The following ACSS2 variants were observed in gnomAD, a reference collection of about 807,000 sequenced individuals.
ACSS2 encodes acyl-CoA synthetase short chain family member 2, also known as acetyl-coenzyme A synthetase, cytoplasmic.
A neutral mutation model predicts 90.6 loss-of-function variants in ACSS2; 58 were observed. The observed-to-expected ratio is 0.64, with a 90% CI of 0.52 to 0.80. ACSS2 has a LOEUF of 0.80. Ranked by LOEUF, ACSS2 falls within the 30% of genes least tolerant of loss-of-function variation. The probability of loss-of-function intolerance (pLI) is 0.00; values close to 1 mark genes in which losing one functional copy is unlikely to be tolerated. For missense variants in ACSS2, 759 were observed against 912.0 expected, an observed-to-expected ratio of 0.83 and a Z score of 2.16; for synonymous variants, 300 against 330.9, an observed-to-expected ratio of 0.91 and a Z score of 1.01.
At chr20:34,892,684 G>T (rs1387248844) in intron 2 of ACSS2, among the ~76,000 whole-genome samples, 2 of 152,196 alleles carry the variant, frequency 1.3e-5, no homozygotes, top group Non-Finnish European at 2.9e-5. Context: ...TTGGCAAAAA[G>T]TGTATTAGCT....
intron 7 of ACSS2, among the ~76,000 whole-genome samples, chr20:34,918,135 C>G (rs1237830980): frequency 2.0e-5 from 3 of 152,194 alleles, no homozygotes. Flanking sequence ...TTCCTCATCT[C>G]ACCCCAACCT....
intron 1 of ACSS2, among the ~76,000 whole-genome samples, chr20:34,878,968 G>A (rs557644744): frequency 1.2e-4 from 18 of 144,538 alleles, no homozygotes; most frequent in Non-Finnish European, 2.3e-4. Context: ...GCAGTGGCGC[G>A]ATCTCGGCTC....
In ACSS2 at chr20:34,920,659, C is replaced by T; in HGVS notation, c.1093C>T (p.His365Tyr). ...GGCAGACATTGGTTGGATCACTGGT[C>T]ATTCCTACGTCACCTATGGGCCACT... ...CTADIGWITG[H>Y]SYVTYGPLAN... The change falls in exon 9 of 18, where the codon CAT becomes TAT. Residue 365 changes from histidine to tyrosine, a missense_variant. By Grantham distance (83) the His-to-Tyr change is moderately conservative. Transcript: ENST00000360596. 3 of 1,614,124 alleles carry T rather than the reference C, an allele frequency of 1.9e-6. No individual in the cohort carries two copies. Among genetic ancestry groups the T allele is most frequent in the Non-Finnish European group, 2.5e-6 (3 of 1,179,996 alleles).
At chr20:34,895,893 A>G (rs1014405014) in intron 2 of ACSS2, among the ~76,000 whole-genome samples, 1 of 152,230 alleles carries the variant, frequency 6.6e-6, no homozygotes, top group Non-Finnish European at 1.5e-5. Context: ...TTTGACCTAG[A>G]TAATAGAGAA....
At chr20:34,922,923 ACT>A (rs1386325474) in intron 13 of ACSS2, 1 of 165,714 alleles carries the variant, frequency 6.0e-6, no homozygotes, top group African/African-American at 2.4e-5. Context: ...TGTGGGCACC[ACT>A]GTTTTTTAAA....
chr20:34,888,075 A>AAG (rs2080243451), intron 2 of ACSS2, among the ~76,000 whole-genome samples: 1 of 151,090 alleles, frequency 6.6e-6, no homozygotes, highest in South Asian at 2.1e-4. Context: ...ATCAAAAAAA[A>AAG]AAAAAAAAAA....
chr20:34,899,490 C>A (rs1202287613), intron 2 of ACSS2, among the ~76,000 whole-genome samples: 1 of 110,312 alleles, frequency 9.1e-6, no homozygotes, highest in African/African-American at 3.3e-5. Context: ...TCTTTTCTTT[C>A]TTTTTTGTTT....
chr20:34,924,301 C>A (rs146903197), intron 14 of ACSS2, among the ~76,000 whole-genome samples: 1 of 152,272 alleles, frequency 6.6e-6, no homozygotes, highest in Non-Finnish European at 1.5e-5. Flanking sequence ...GGGAGACAGA[C>A]AAACCCAACA....
Position 34,921,674 on chromosome 20 carries a change from G to C in ACSS2, c.1467+74G>C, listed in dbSNP as rs1286084006. 5 of 1,611,200 alleles carry C rather than the reference G, an allele frequency of 3.1e-6. No homozygotes were observed. In the African/African-American group the frequency reaches 6.7e-5, roughly 22 times the overall value. ...TTGGGGCACTTGGCCTAGTTAGATA[G>C]TGGAGAACTGGACTGACATGTGTGA... is the stretch of plus-strand genomic sequence containing the variant. On this transcript the variant is annotated intron_variant, in intron 12 of 17. Transcript: ENST00000360596.
chr20:34,925,852 T>G (rs1371523674), intron 15 of ACSS2, 86 bp downstream of exon 15: 1 of 1,477,348 alleles, frequency 6.8e-7, no homozygotes, highest in East Asian at 2.4e-5. Flanking sequence ...AGCCCAGGAG[T>G]GTCCTTTGGC....
intron 2 of ACSS2, among the ~76,000 whole-genome samples, chr20:34,896,485 A>G (rs56034553): frequency 0.081 from 12,333 of 152,048 alleles, 1,717 homozygotes; most frequent in African/African-American, 0.28. Flanking sequence ...CTCCTTCCAT[A>G]CTTTCTCTCT....
At chr20:34,903,401 A>C (rs761847892) in intron 2 of ACSS2, among the ~76,000 whole-genome samples, 2 of 151,778 alleles carry the variant, frequency 1.3e-5, no homozygotes, top group Non-Finnish European at 2.9e-5. Context: ...GAAGGGAACA[A>C]GAGTGAAGTG....
At chr20:34,878,023 T>C (rs527740420) in intron 1 of ACSS2, among the ~76,000 whole-genome samples, 1 of 152,250 alleles carries the variant, frequency 6.6e-6, no homozygotes, top group African/African-American at 2.4e-5. Context: ...AGCCTGCATC[T>C]CCTGGGCTCA....
chr20:34,908,403 T>C (rs2080861035), intron 2 of ACSS2, among the ~76,000 whole-genome samples: 1 of 152,212 alleles, frequency 6.6e-6, no homozygotes, highest in African/African-American at 2.4e-5. Flanking sequence ...TCTCAGTGCC[T>C]TTTCACTTGA....
At chr20:34,920,747 C>T (rs2081178882) in intron 9 of ACSS2, 38 bp downstream of exon 9, 1 of 1,581,856 alleles carries the variant, frequency 6.3e-7, no homozygotes, top group African/African-American at 1.3e-5. Context: ...GGGGGATGGA[C>T]AAGATTATCC....
At position 34,920,664 on chromosome 20, in the gene ACSS2, C is replaced by T. The variant is rs1206123076; in HGVS notation, c.1098C>T (p.Ser366=). ...ACATTGGTTGGATCACTGGTCATTC[C>T]TACGTCACCTATGGGCCACTGGCCA... ...TADIGWITGH[S]YVTYGPLANG... is the part of the protein sequence containing the mutation. The change falls in exon 9 of 18, where the codon TCC becomes TCT. Residue 366 remains serine, a synonymous_variant. Coordinates refer to ENST00000360596, the MANE Select transcript of ACSS2 (RefSeq NM_018677.4). 2.5e-6 allele frequency: 4 copies of T among 1,614,056 alleles called. No individual in the cohort carries two copies. In the South Asian group the frequency reaches 4.4e-5, roughly 18 times the overall value.
intron 1 of ACSS2, 63 bp downstream of exon 1, chr20:34,876,886 G>A: frequency 8.8e-7 from 1 of 1,133,590 alleles, no homozygotes; most frequent in Non-Finnish European, 1.1e-6. Flanking sequence ...CTCCCTGGGG[G>A]AGTCGGGGGC....
At chr20:34,883,596 T>C (rs2080119809) in intron 2 of ACSS2, among the ~76,000 whole-genome samples, 1 of 152,230 alleles carries the variant, frequency 6.6e-6, no homozygotes, top group African/African-American at 2.4e-5. Flanking sequence ...CTCTAATTCC[T>C]TACCTTGGCC....
intron 7 of ACSS2, among the ~76,000 whole-genome samples, chr20:34,914,651 C>T (rs1311415231): frequency 6.6e-6 from 1 of 152,178 alleles, no homozygotes; most frequent in Non-Finnish European, 1.5e-5. Flanking sequence ...GAACATAGCA[C>T]AAGCGATTGT....
Sources: gnomAD v4.1 joint callset for allele counts (sites outside exome capture counted in the v4.1 genomes callset) on GRCh38, gnomAD v4.1.1 for gene constraint, MANE v1.5 for transcripts, NCBI Gene and HGNC (gene_info 2026-07-23, HGNC 2026-07-21) for gene names.